CDCA2: variants seen among roughly 807,000 people sequenced by gnomAD.
CDCA2 encodes cell division cycle associated 2, also known as cell division cycle-associated protein 2.
A neutral mutation model predicts 67.0 loss-of-function variants in CDCA2; 44 were observed. That is an observed-to-expected ratio of 0.66 (90% CI 0.52 to 0.84). CDCA2 has a LOEUF of 0.84. CDCA2 is among the 40% of genes least tolerant of loss of function. CDCA2 has a pLI of 0.00. For synonymous variants in CDCA2, 447 were observed against 418.7 expected (o/e 1.07, Z -0.82); for missense variants, 1,253 against 1,203.2 (o/e 1.04, Z -0.61).
chr8:25,492,127 G>C (rs1051710210), intron 13 of CDCA2, among the ~76,000 whole-genome samples: 6 of 134,570 alleles, frequency 4.5e-5, no homozygotes, highest in African/African-American at 1.7e-4. Flanking sequence ...TTGAAGCAGC[G>C]GGGGGTTGGG....
chr8:25,501,577 T>G (rs1804476963), intron 13 of CDCA2, among the ~76,000 whole-genome samples: 1 of 152,242 alleles, frequency 6.6e-6, no homozygotes, highest in Admixed American at 6.5e-5. Flanking sequence ...GGCATTCCCT[T>G]CTCTTTGAAG....
rs771460767 is a variant in CDCA2 at position 25,507,272 on chromosome 8, T to C, written c.2606T>C (p.Leu869Pro). The C allele has an allele frequency of 2.5e-6, 4 of 1,614,180 alleles. No homozygotes were observed. Among genetic ancestry groups the C allele is most frequent in the East Asian group, 2.2e-5 (1 of 44,884 alleles). Residue 869 changes from leucine to proline, a missense_variant, in exon 15 of 15, where the codon CTG becomes CCG. Transcript: ENST00000330560. ...GAAATTAGTTTAGAAAATTCTGAAC[T>C]GTTTAAAGATTTGTCTGATGCCATT... Reference protein sequence around the residue: ...SVEISLENSELFKDLSDAIEQ... With the variant: ...SVEISLENSEPFKDLSDAIEQ...
At chr8:25,466,932 C>T (rs796434173) in intron 5 of CDCA2, among the ~76,000 whole-genome samples, 7 of 146,800 alleles carry the variant, frequency 4.8e-5, no homozygotes, top group African/African-American at 1.8e-4. Context: ...ACTCCAGCTA[C>T]TGGGGAGGCT....
intron 9 of CDCA2, 38 bp downstream of exon 9, chr8:25,483,524 C>G: frequency 7.0e-7 from 1 of 1,427,750 alleles, no homozygotes. Flanking sequence ...TTGAGGATAT[C>G]ATTTTCATGT....
intron 1 of CDCA2, among the ~76,000 whole-genome samples, chr8:25,459,719 T>G (rs1302182946): frequency 6.6e-6 from 1 of 152,226 alleles, no homozygotes; most frequent in East Asian, 1.9e-4. Flanking sequence ...GGGTCTGCTT[T>G]GGTGCCTGAA....
chr8:25,476,894 TCC>T (rs1306758762), intron 7 of CDCA2, among the ~76,000 whole-genome samples: 8 of 152,112 alleles, frequency 5.3e-5, no homozygotes, highest in African/African-American at 1.9e-4. Flanking sequence ...TTGCTCCTTC[TCC>T]TTCTAAGGAC....
chr8:25,497,317 A>G (rs919065686), intron 13 of CDCA2, among the ~76,000 whole-genome samples: 2 of 152,188 alleles, frequency 1.3e-5, no homozygotes, highest in Non-Finnish European at 2.9e-5. Flanking sequence ...CTGAGTATCC[A>G]TCAACAGGTG....
chr8:25,499,117 A>G (rs532570250), intron 13 of CDCA2, among the ~76,000 whole-genome samples: 48 of 152,032 alleles, frequency 3.2e-4, no homozygotes, highest in Non-Finnish European at 6.5e-4. Flanking sequence ...GGGTGTTTGA[A>G]ATTTTCCATA....
chr8:25,498,238 C>T (rs776357211), intron 13 of CDCA2, among the ~76,000 whole-genome samples: 29 of 152,190 alleles, frequency 1.9e-4, no homozygotes, highest in Non-Finnish European at 3.2e-4. Context: ...AATGGAGTCT[C>T]GCTCTGTCGC....
chr8:25,497,889 C>A (rs2117543595), intron 13 of CDCA2, among the ~76,000 whole-genome samples: 2 of 152,272 alleles, frequency 1.3e-5, no homozygotes, highest in African/African-American at 4.8e-5. Context: ...GCTTCTAGAT[C>A]TAATTACCAA....
rs755278865 is a variant in CDCA2, at chr8:25,507,569, C to T, written c.2903C>T (p.Ser968Phe). The change falls in exon 15 of 15, where the codon TCC (serine) becomes TTC (phenylalanine). Residue 968 changes from serine (S) to phenylalanine (F), a missense_variant. By Grantham distance (155) the Ser-to-Phe change is radical. Transcript: ENST00000330560. ...AGCCAGGGCCCTGCTGCTGGTTCTT[C>T]CGATGAACCTGGTAAGAGGAGGAAG... ...ENSQGPAAGS[S>F]DEPGKRRKSF... The T allele has an allele frequency of 6.2e-7, 1 of 1,614,214 alleles. No individual in the cohort carries two copies. The highest frequency in any genetic ancestry group is 1.1e-5 in the South Asian group (1 of 91,076).
chr8:25,504,269 T>A (rs1804589925), intron 14 of CDCA2, among the ~76,000 whole-genome samples: 2 of 151,580 alleles, frequency 1.3e-5, no homozygotes, highest in South Asian at 4.2e-4. Context: ...GGACTGAATC[T>A]TGCTGAAAAT....
intron 3 of CDCA2, 121 bp downstream of exon 3, chr8:25,460,675 A>T (rs1802647878): frequency 9.8e-7 from 1 of 1,020,644 alleles, no homozygotes; most frequent in African/African-American, 1.6e-5. Context: ...CCTACTCTGC[A>T]AACTTGCTTC....
At position 25,461,268 on chromosome 8, in the gene CDCA2, CAAAAAAAAAAAAAA is replaced by C. The variant is rs61333775; in HGVS notation, c.232+724_232+737del. On this transcript the variant is annotated intron_variant, in intron 3 of 14. Coordinates refer to ENST00000330560, the MANE Select transcript of CDCA2 (RefSeq NM_152562.4). Reference sequence around the variant, plus strand: ...GGCAACAAGAGTGAAACTCTGTCTCCAAAAAAAAAAAAAAAAAAAAAAACACAAACAGAAGATTG... The same window carrying C: ...GGCAACAAGAGTGAAACTCTGTCTCCAAAAAAAAACACAAACAGAAGATTG... 8.3e-5 allele frequency among the ~76,000 whole-genome samples: 8 copies of C among 95,934 alleles called. No homozygotes were observed. In the South Asian group the frequency reaches 1.1e-3, roughly 13 times the overall value. The allele number at this position is 95,934 out of a possible 152,430, so 62.9% of individuals were successfully genotyped here.
intron 5 of CDCA2, among the ~76,000 whole-genome samples, chr8:25,466,868 CCCTGTCTCTACTAAAA>C: frequency 6.6e-6 from 1 of 151,762 alleles, no homozygotes; most frequent in South Asian, 2.1e-4. Context: ...CATGGTGAAA[CCCTGTCTCTACTAAAA>C]ATACAAAATT....
intron 7 of CDCA2, among the ~76,000 whole-genome samples, chr8:25,471,458 A>G (rs1803152024): frequency 6.6e-6 from 1 of 151,924 alleles, no homozygotes; most frequent in African/African-American, 2.4e-5. Flanking sequence ...TGCCTCCTGG[A>G]TTCAAGCAAT....
At chr8:25,493,489 A>C (rs942842717) in intron 13 of CDCA2, among the ~76,000 whole-genome samples, 3 of 152,236 alleles carry the variant, frequency 2.0e-5, no homozygotes, top group Admixed American at 2.0e-4. Flanking sequence ...AAGAAAATTT[A>C]AAAGACAAAG....
At chr8:25,496,373 A>G (rs960600517) in intron 13 of CDCA2, among the ~76,000 whole-genome samples, 5 of 152,184 alleles carry the variant, frequency 3.3e-5, no homozygotes, top group Non-Finnish European at 5.9e-5. Flanking sequence ...TTTCAGGTAA[A>G]CAAATAGTTG....
At chr8:25,492,050 C>T (rs1804027017) in intron 13 of CDCA2, among the ~76,000 whole-genome samples, 1 of 152,152 alleles carries the variant, frequency 6.6e-6, no homozygotes, top group Admixed American at 6.5e-5. Context: ...CCTTCCTCGG[C>T]CTCCCAAAGT....
Sources: gnomAD v4.1 joint callset for allele counts (sites outside exome capture counted in the v4.1 genomes callset) on GRCh38, gnomAD v4.1.1 for gene constraint, MANE v1.5 for transcripts, NCBI Gene and HGNC (gene_info 2026-07-23, HGNC 2026-07-21) for gene names.